ARHGAP25: variants seen among roughly 807,000 people sequenced by gnomAD.
ARHGAP25 encodes the protein Rho GTPase activating protein 25.
A neutral mutation model predicts 71.0 loss-of-function variants in ARHGAP25; 34 were observed. The observed-to-expected ratio is 0.48, with a 90% CI of 0.36 to 0.64. The LOEUF (loss-of-function observed/expected upper bound fraction) is 0.64, where lower values mean the gene tolerates loss of function less well. Ranked by LOEUF, ARHGAP25 falls within the 30% of genes least tolerant of loss-of-function variation. ARHGAP25 has a pLI of 0.00. For synonymous variants in ARHGAP25, 282 were observed against 296.5 expected, an observed-to-expected ratio of 0.95 and a Z score of 0.50; for missense variants, 706 against 805.1, an observed-to-expected ratio of 0.88 and a Z score of 1.49.
At chr2:68,717,219 G>A (rs1674634021) in intron 2 of ARHGAP25, among the ~76,000 whole-genome samples, 1 of 152,162 alleles carries the variant, frequency 6.6e-6, no homozygotes, top group Admixed American at 6.5e-5. Flanking sequence ...CATAGAAAAG[G>A]TACAGTAAAA....
chr2:68,814,915 G>A (rs1476705503), intron 6 of ARHGAP25, among the ~76,000 whole-genome samples: 1 of 152,230 alleles, frequency 6.6e-6, no homozygotes, highest in Non-Finnish European at 1.5e-5. Context: ...AAAGGGATAT[G>A]AAAAGTCTTA....
intron 1 of ARHGAP25, among the ~76,000 whole-genome samples, chr2:68,735,735 A>G (rs1033300367): frequency 6.6e-6 from 1 of 152,204 alleles, no homozygotes; most frequent in Admixed American, 6.5e-5. Flanking sequence ...AACAAAAACA[A>G]GACAGGAACA....
intron 1 of ARHGAP25, among the ~76,000 whole-genome samples, chr2:68,751,387 G>A (rs905226205): frequency 1.3e-5 from 2 of 152,242 alleles, no homozygotes; most frequent in African/African-American, 2.4e-5. Flanking sequence ...GAAAGCTAAG[G>A]TGGAGATACA....
intron 2 of ARHGAP25, among the ~76,000 whole-genome samples, chr2:68,778,873 A>G (rs968608799): frequency 6.6e-6 from 1 of 152,370 alleles, no homozygotes; most frequent in Non-Finnish European, 1.5e-5. Flanking sequence ...CTGTGGCCCT[A>G]CACAAGGCAG....
intron 4 of ARHGAP25, among the ~76,000 whole-genome samples, chr2:68,802,274 G>A (rs1680021716): frequency 6.6e-6 from 1 of 152,038 alleles, no homozygotes; most frequent in African/African-American, 2.4e-5. Flanking sequence ...CAGGTGTGGT[G>A]GCACGTGCCT....
At chr2:68,776,765 G>A (rs1473244853) in intron 2 of ARHGAP25, among the ~76,000 whole-genome samples, 2 of 152,160 alleles carry the variant, frequency 1.3e-5, no homozygotes, top group African/African-American at 4.8e-5. Context: ...TATGGGCTTG[G>A]CCAGAAGGAG....
At chr2:68,793,709 G>A (rs1276764291) in intron 4 of ARHGAP25, among the ~76,000 whole-genome samples, 1 of 152,142 alleles carries the variant, frequency 6.6e-6, no homozygotes, top group East Asian at 1.9e-4. Flanking sequence ...CAAGTAATAT[G>A]ATGCCTCCAG....
intron 1 of ARHGAP25, among the ~76,000 whole-genome samples, chr2:68,765,733 G>A (rs1368613703): frequency 6.6e-6 from 1 of 152,122 alleles, no homozygotes; most frequent in Non-Finnish European, 1.5e-5. Context: ...AATTGTCTCA[G>A]TTTTTAATGA....
intron 1 of ARHGAP25, among the ~76,000 whole-genome samples, chr2:68,760,813 A>G (rs1335043945): frequency 1.3e-5 from 2 of 151,742 alleles, no homozygotes; most frequent in African/African-American, 4.8e-5. Flanking sequence ...TTGTAGAAAT[A>G]GAAAAACTCA....
intron 4 of ARHGAP25, among the ~76,000 whole-genome samples, chr2:68,799,035 G>A (rs1265325133): frequency 2.0e-5 from 3 of 152,200 alleles, no homozygotes; most frequent in Non-Finnish European, 4.4e-5. Flanking sequence ...CAGGAGACCA[G>A]ATATGAAACT....
At chr2:68,714,071 T>G (rs994947286) in intron 2 of ARHGAP25, among the ~76,000 whole-genome samples, 3 of 152,220 alleles carry the variant, frequency 2.0e-5, no homozygotes, top group African/African-American at 7.2e-5. Flanking sequence ...TACCAGCTCC[T>G]CTTTGTACCT....
intron 1 of ARHGAP25, among the ~76,000 whole-genome samples, chr2:68,770,344 G>T (rs1677404463): frequency 6.6e-6 from 1 of 152,130 alleles, no homozygotes; most frequent in African/African-American, 2.4e-5. Context: ...ATTTAAACAT[G>T]GTTCCCAAAC....
intron 1 of ARHGAP25, among the ~76,000 whole-genome samples, chr2:68,738,655 G>A (rs1675344364): frequency 6.6e-6 from 1 of 151,984 alleles, no homozygotes; most frequent in Non-Finnish European, 1.5e-5. Context: ...TAGAGTCACT[G>A]CTAAAAATAC....
intron 5 of ARHGAP25, 32 bp from the exon 6 acceptor site, chr2:68,813,255 A>G: frequency 6.3e-7 from 1 of 1,585,976 alleles, no homozygotes; most frequent in Non-Finnish European, 8.6e-7. Flanking sequence ...TCTTTCAAAG[A>G]GTTTCACAGA....
In ARHGAP25 at chr2:68,801,696, T is replaced by A. The variant is rs181722867; in HGVS notation, c.467-5577T>A. Among the ~76,000 whole-genome samples, 441 of 152,304 alleles carry A rather than the reference T, an allele frequency of 2.9e-3. 1 individual carries two copies. The highest frequency in any genetic ancestry group is 0.01 in the African/African-American group (425 of 41,550). ...CAGATGCTGAGCCAGATGGACTGTCTGCCTTTGAGGGGTCCACAGTCCAGT... is the reference window on the plus strand; with the variant it reads ...CAGATGCTGAGCCAGATGGACTGTCAGCCTTTGAGGGGTCCACAGTCCAGT... On this transcript the variant is annotated intron_variant, in intron 4 of 10. Coordinates refer to ENST00000409202, the MANE Select transcript of ARHGAP25 (RefSeq NM_001007231.3).
intron 2 of ARHGAP25, among the ~76,000 whole-genome samples, chr2:68,716,883 A>G (rs1366844472): frequency 5.3e-5 from 8 of 152,102 alleles, no homozygotes; most frequent in African/African-American, 1.7e-4. Flanking sequence ...TGTAGATTCT[A>G]TCTCTCTTTA....
At chr2:68,815,363 G>A (rs28555118) in intron 6 of ARHGAP25, among the ~76,000 whole-genome samples, 30,745 of 151,230 alleles carry the variant, frequency 0.2, 3,381 homozygotes, top group East Asian at 0.44. Flanking sequence ...AGGCTGACAA[G>A]GCTGGAGGGT....
At chr2:68,710,788 G>T (rs1674462755) in intron 2 of ARHGAP25, 1 of 152,156 alleles carries the variant, frequency 6.6e-6, no homozygotes, top group Non-Finnish European at 1.5e-5. Flanking sequence ...ACATAAACTT[G>T]GTGGCTTTTT....
chr2:68,740,748 A>AAAACCC (rs2104290424), intron 1 of ARHGAP25, among the ~76,000 whole-genome samples: 1 of 152,324 alleles, frequency 6.6e-6, no homozygotes, highest in South Asian at 2.1e-4. Context: ...AGTCAACCCC[A>AAAACCC]CAAGTAACTG....
Sources: allele counts gnomAD v4.1 joint callset (sites outside exome capture counted in the v4.1 genomes callset), GRCh38; gene constraint gnomAD v4.1.1; transcripts MANE v1.5; gene names NCBI Gene and HGNC (gene_info 2026-07-23, HGNC 2026-07-21).